NEDD4L: variants seen among roughly 807,000 people sequenced by gnomAD.
NEDD4L encodes the protein NEDD4 like E3 ubiquitin protein ligase.
NEDD4L carries 54 observed loss-of-function variants against 148.9 expected under a neutral mutation model. That is an observed-to-expected ratio of 0.36 (90% CI 0.29 to 0.45). The LOEUF is 0.45. NEDD4L is among the 20% of genes least tolerant of loss of function. NEDD4L has a pLI of 1.00. For missense variants in NEDD4L, 856 were observed against 1,233.8 expected (o/e 0.69, Z 4.59); for synonymous variants, 433 against 440.7 (o/e 0.98, Z 0.22).
intron 1 of NEDD4L, among the ~76,000 whole-genome samples, chr18:58,110,938 C>CA (rs2085380352): frequency 6.6e-6 from 1 of 152,226 alleles, no homozygotes; most frequent in African/African-American, 2.4e-5. Context: ...CAGAAACACA[C>CA]ACGCTTTCTT....
intron 1 of NEDD4L, among the ~76,000 whole-genome samples, chr18:58,050,767 TAAAA>T (rs536370434): frequency 2.0e-5 from 3 of 151,380 alleles, no homozygotes; most frequent in Non-Finnish European, 4.4e-5. Flanking sequence ...AAATAAAAAA[TAAAA>T]AAAGAATAGT....
intron 2 of NEDD4L, chr18:58,221,452 A>AG (rs2043762256): frequency 1.6e-6 from 1 of 623,172 alleles, no homozygotes; most frequent in Non-Finnish European, 2.0e-6. Context: ...GGAGCTACTT[A>AG]ACCTTATGGT....
intron 2 of NEDD4L, among the ~76,000 whole-genome samples, chr18:58,235,730 T>A (rs974876273): frequency 6.6e-6 from 1 of 152,168 alleles, no homozygotes; most frequent in African/African-American, 2.4e-5. Flanking sequence ...GAATAATTAG[T>A]TCAGAAGTCT....
chr18:58,292,901 T>C (rs975572582), intron 5 of NEDD4L, among the ~76,000 whole-genome samples: 6 of 152,242 alleles, frequency 3.9e-5, no homozygotes, highest in Non-Finnish European at 2.9e-5. Context: ...TACCTTTAGA[T>C]CCATAAAATG....
At chr18:58,288,254 C>T (rs1433780088) in intron 5 of NEDD4L, among the ~76,000 whole-genome samples, 1 of 152,224 alleles carries the variant, frequency 6.6e-6, no homozygotes, top group African/African-American at 2.4e-5. Flanking sequence ...AAGCCGGATT[C>T]TCTGTTTTTT....
intron 2 of NEDD4L, among the ~76,000 whole-genome samples, chr18:58,229,355 G>A (rs893236924): frequency 1.1e-4 from 17 of 152,080 alleles, no homozygotes; most frequent in South Asian, 2.1e-4. Context: ...AGTTGCTCAG[G>A]TTTCAAACTG....
At chr18:58,194,388 G>A (rs1031185263) in intron 2 of NEDD4L, among the ~76,000 whole-genome samples, 1 of 152,312 alleles carries the variant, frequency 6.6e-6, no homozygotes, top group African/African-American at 2.4e-5. Context: ...ATCGAAGAGT[G>A]CTAATATAAG....
chr18:58,236,025 T>TC (rs1319786496), intron 2 of NEDD4L, among the ~76,000 whole-genome samples: 1 of 140,976 alleles, frequency 7.1e-6, no homozygotes, highest in East Asian at 2.1e-4. Flanking sequence ...AGAGTGAGAC[T>TC]CCATCTCAAA....
At chr18:58,357,685 T>G (rs1163825888) in intron 19 of NEDD4L, among the ~76,000 whole-genome samples, 1 of 152,146 alleles carries the variant, frequency 6.6e-6, no homozygotes, top group Non-Finnish European at 1.5e-5. Context: ...TTGGGTGAGA[T>G]TATAGCTAAG....
chr18:58,357,164 ATTTTTT>A, intron 18 of NEDD4L, 24 bp from the exon 19 acceptor site: 2 of 1,421,610 alleles, frequency 1.4e-6, no homozygotes, highest in Non-Finnish European at 1.9e-6. Context: ...TAATGTTCTG[ATTTTTT>A]TTTTTTTTTT....
chr18:58,254,093 C>G (rs1426956280), intron 5 of NEDD4L, among the ~76,000 whole-genome samples: 1 of 151,588 alleles, frequency 6.6e-6, no homozygotes, highest in African/African-American at 2.4e-5. Context: ...TTCCATTTCT[C>G]TCATAGAGGT....
chr18:58,066,689 G>A (rs1032061563), intron 1 of NEDD4L, among the ~76,000 whole-genome samples: 7 of 152,218 alleles, frequency 4.6e-5, no homozygotes, highest in African/African-American at 1.7e-4. Context: ...GGTTTAATTG[G>A]CTCACGATTC....
chr18:58,242,574 C>T lies in NEDD4L; in HGVS notation c.123-2853C>T, dbSNP rs568863077. ...GGAGTGCAGTGGCACAATCTCGGTTCGCTGCAGCCTCCACCTCCCAGGCTC... is the reference window on the plus strand; with the variant it reads ...GGAGTGCAGTGGCACAATCTCGGTTTGCTGCAGCCTCCACCTCCCAGGCTC... On this transcript the variant is annotated intron_variant, in intron 2 of 30. Coordinates refer to ENST00000400345, the MANE Select transcript of NEDD4L (RefSeq NM_001144967.3). 2.6e-5 allele frequency among the ~76,000 whole-genome samples: 4 copies of T among 152,154 alleles called. No individual in the cohort carries two copies. In the East Asian group the frequency reaches 7.7e-4, roughly 29 times the overall value.
chr18:58,389,053 CTGCTTTTACATCT>C lies in NEDD4L; in HGVS notation c.2548-31_2548-19del, dbSNP rs1343403757. 9.5e-6 allele frequency: 15 copies of C among 1,575,060 alleles called. No individual in the cohort carries two copies. Among genetic ancestry groups the C allele is most frequent in the Non-Finnish European group, 1.2e-5 (14 of 1,145,824 alleles). ...TGTGTGATCTCGCACCTTTCACATC[CTGCTTTTACATCT>C]GGTAAATTTTCTTCCTAGTTGCTCA... On this transcript the variant is annotated intron_variant, in intron 27 of 30. Coordinates refer to ENST00000400345, the MANE Select transcript of NEDD4L (RefSeq NM_001144967.3).
intron 1 of NEDD4L, among the ~76,000 whole-genome samples, chr18:58,068,720 A>C (rs2082729413): frequency 6.6e-6 from 1 of 152,152 alleles, no homozygotes; most frequent in African/African-American, 2.4e-5. Flanking sequence ...TCTGCAGGAG[A>C]CATAGGAGAG....
intron 30 of NEDD4L, among the ~76,000 whole-genome samples, chr18:58,392,412 G>A (rs996246898): frequency 2.0e-5 from 3 of 152,218 alleles, no homozygotes; most frequent in African/African-American, 7.2e-5. Context: ...CTCCCTGCAG[G>A]AAACGCCCTC....
chr18:58,264,263 A>T (rs548773740), intron 5 of NEDD4L, among the ~76,000 whole-genome samples: 1 of 152,090 alleles, frequency 6.6e-6, no homozygotes, highest in Non-Finnish European at 1.5e-5. Flanking sequence ...GGACACAGCA[A>T]TGCTAAGGAC....
intron 13 of NEDD4L, among the ~76,000 whole-genome samples, chr18:58,337,212 G>A (rs1299352620): frequency 1.3e-5 from 2 of 152,100 alleles, no homozygotes; most frequent in African/African-American, 4.8e-5. Context: ...TGGGTTGGGT[G>A]TTTTCTTTCC....
chr18:58,377,137 G>T (rs1333304262), intron 24 of NEDD4L, among the ~76,000 whole-genome samples: 2 of 152,234 alleles, frequency 1.3e-5, no homozygotes, highest in Admixed American at 6.5e-5. Flanking sequence ...TCACTGTCGT[G>T]TACTTCCCAC....
Sources: gnomAD v4.1 joint callset for allele counts (sites outside exome capture counted in the v4.1 genomes callset) on GRCh38, gnomAD v4.1.1 for gene constraint, MANE v1.5 for transcripts, NCBI Gene and HGNC (gene_info 2026-07-23, HGNC 2026-07-21) for gene names.